The following MGST2 variants were observed in gnomAD, a reference collection of about 807,000 sequenced individuals.
MGST2 encodes the protein microsomal glutathione S-transferase 2, also known as glutathione peroxidase MGST2.
A neutral mutation model predicts 16.6 loss-of-function variants in MGST2; 9 were observed. The observed-to-expected ratio is 0.54, with a 90% confidence interval of 0.33 to 0.95. The LOEUF (loss-of-function observed/expected upper bound fraction) is 0.95. Ranked by LOEUF, MGST2 falls within the 40% of genes least tolerant of loss-of-function variation. The pLI is 0.03. For missense variants in MGST2, 159 were observed against 175.1 expected, an observed-to-expected ratio of 0.91 and a Z score of 0.52; for synonymous variants, 79 against 68.0, an observed-to-expected ratio of 1.16 and a Z score of -0.79.
At chr4:139,719,933 A>G in intron 5 of MGST2, 1 of 1,614,030 alleles carries the variant, frequency 6.2e-7, no homozygotes. Context: ...GGCCTGGCCT[A>G]CTGGCCCTTT....
intron 2 of MGST2, chr4:139,679,182 C>A: frequency 6.3e-6 from 1 of 159,466 alleles, no homozygotes; most frequent in East Asian, 1.8e-4. Flanking sequence ...ACAAAATGTT[C>A]CACCATAAAC....
chr4:139,700,244 G>T (rs1253127557), intron 3 of MGST2, among the ~76,000 whole-genome samples: 2 of 144,962 alleles, frequency 1.4e-5, no homozygotes, highest in East Asian at 4.3e-4. Flanking sequence ...CCATTCTCCT[G>T]CCTCAGCCTC....
At chr4:139,719,369 C>T in intron 5 of MGST2, 1 of 1,610,536 alleles carries the variant, frequency 6.2e-7, no homozygotes, top group Non-Finnish European at 8.5e-7. Flanking sequence ...CCACTCGTCC[C>T]CTGGCCCGCC....
chr4:139,720,592 G>A (rs1420976096), intron 5 of MGST2, among the ~76,000 whole-genome samples: 2 of 152,132 alleles, frequency 1.3e-5, no homozygotes, highest in African/African-American at 4.8e-5. Context: ...TCTTTTATTT[G>A]TATATAAATA....
At chr4:139,667,430 G>C (rs1468513911) in intron 1 of MGST2, among the ~76,000 whole-genome samples, 2 of 144,042 alleles carry the variant, frequency 1.4e-5, no homozygotes, top group East Asian at 4.1e-4. Flanking sequence ...CATCCTCCCT[G>C]TTTGCTGCTT....
chr4:139,676,387 G>A (rs1730959146), intron 1 of MGST2, among the ~76,000 whole-genome samples: 1 of 152,122 alleles, frequency 6.6e-6, no homozygotes, highest in African/African-American at 2.4e-5. Context: ...CACACACACG[G>A]AGAATTATTT....
At chr4:139,703,688 C>T (rs906434395) in intron 4 of MGST2, 152 bp downstream of exon 4, 1 of 784,380 alleles carries the variant, frequency 1.3e-6, no homozygotes, top group African/African-American at 1.7e-5. Flanking sequence ...CCAGTTCATA[C>T]ACAATTAGGC....
downstream of MGST2, among the ~76,000 whole-genome samples, chr4:139,745,125 G>C (rs949861203): frequency 2.6e-5 from 4 of 151,260 alleles, no homozygotes; most frequent in Admixed American, 2.6e-4. Flanking sequence ...ATTTGGATTT[G>C]AGTGAGAAGA....
At chr4:139,711,578 A>AC (rs915094035) in intron 5 of MGST2, among the ~76,000 whole-genome samples, 1 of 152,096 alleles carries the variant, frequency 6.6e-6, no homozygotes, top group African/African-American at 2.4e-5. Flanking sequence ...AGAGAGGAAG[A>AC]CCAGAGGTCA....
At chr4:139,684,597 C>G (rs926558320) in intron 2 of MGST2, among the ~76,000 whole-genome samples, 16 of 152,150 alleles carry the variant, frequency 1.1e-4, no homozygotes, top group Admixed American at 5.9e-4. Flanking sequence ...CAGGAGGCAG[C>G]TTTCTTCTGG....
intron 3 of MGST2, among the ~76,000 whole-genome samples, chr4:139,699,606 C>T (rs980017816): frequency 1.3e-5 from 2 of 152,124 alleles, no homozygotes; most frequent in Non-Finnish European, 2.9e-5. Context: ...GTAAAGCCAC[C>T]TCCTGCACAA....
chr4:139,671,310 A>C (rs1282864655), intron 1 of MGST2, among the ~76,000 whole-genome samples: 1 of 152,100 alleles, frequency 6.6e-6, no homozygotes, highest in Non-Finnish European at 1.5e-5. Context: ...TCCTCAGCAC[A>C]TGTGTATCTC....
chr4:139,668,133 A>AT (rs1730470164), intron 1 of MGST2, among the ~76,000 whole-genome samples: 1 of 152,148 alleles, frequency 6.6e-6, no homozygotes, highest in Admixed American at 6.5e-5. Flanking sequence ...GGATTTAAAG[A>AT]TTTTCTGATT....
chr4:139,706,689 C>A (rs1727531749), downstream of MGST2, among the ~76,000 whole-genome samples: 1 of 152,186 alleles, frequency 6.6e-6, no homozygotes, highest in Non-Finnish European at 1.5e-5. Context: ...CACATACACA[C>A]ACACACACAC....
At chr4:139,688,223 T>A (rs1212409526) in intron 2 of MGST2, among the ~76,000 whole-genome samples, 2 of 152,226 alleles carry the variant, frequency 1.3e-5, no homozygotes, top group Non-Finnish European at 1.5e-5. Flanking sequence ...TTCAGCTTTT[T>A]TTCTCCAACC....
intron 5 of MGST2, among the ~76,000 whole-genome samples, chr4:139,721,426 A>C (rs1728229522): frequency 6.6e-6 from 1 of 152,212 alleles, no homozygotes; most frequent in Non-Finnish European, 1.5e-5. Context: ...CTGGACATTT[A>C]AAGAAGGTGC....
intron 3 of MGST2, among the ~76,000 whole-genome samples, chr4:139,700,313 A>G (rs1371030392): frequency 1.3e-5 from 2 of 151,414 alleles, no homozygotes; most frequent in Admixed American, 1.3e-4. Flanking sequence ...TCGTATTTTT[A>G]GTAGAGATGC....
At chr4:139,723,365 C>T (rs1288494261) in intron 5 of MGST2, among the ~76,000 whole-genome samples, 6 of 152,152 alleles carry the variant, frequency 3.9e-5, no homozygotes, top group African/African-American at 1.4e-4. Flanking sequence ...GGCTGGAGTG[C>T]AATGGCACGA....
chr4:139,728,123 G>A (rs1178721043), intron 5 of MGST2, among the ~76,000 whole-genome samples: 1 of 152,194 alleles, frequency 6.6e-6, no homozygotes, highest in East Asian at 1.9e-4. Context: ...GCTGAGGTGG[G>A]AAGATTGCTT....
Sources: allele counts gnomAD v4.1 joint callset (sites outside exome capture counted in the v4.1 genomes callset), GRCh38; gene constraint gnomAD v4.1.1; transcripts MANE v1.5; gene names NCBI Gene and HGNC (gene_info 2026-07-23, HGNC 2026-07-21).